The following KCTD20 variants were observed in gnomAD, a reference collection of about 807,000 sequenced individuals.
KCTD20 encodes the protein BTB/POZ domain-containing protein KCTD20.
Under a neutral mutation model 39.6 loss-of-function variants are expected in KCTD20, and 30 were observed. The observed-to-expected ratio is 0.76, with a 90% CI of 0.57 to 1.03. The LOEUF is 1.03. Ranked by LOEUF, KCTD20 falls within the 50% of genes least tolerant of loss-of-function variation. KCTD20 has a pLI of 0.00. For missense variants in KCTD20, 422 were observed against 522.0 expected (o/e 0.81, Z 1.87); for synonymous variants, 162 against 180.6 (o/e 0.90, Z 0.83).
chr6:36,473,130 G>A (rs544989158), intron 2 of KCTD20, among the ~76,000 whole-genome samples: 15 of 151,534 alleles, frequency 9.9e-5, no homozygotes, highest in Middle Eastern at 3.4e-3. Context: ...GCGCGATCTC[G>A]GCTCACTGCA....
At chr6:36,476,428 ATTTTT>A (rs146381569) in intron 3 of KCTD20, among the ~76,000 whole-genome samples, 1 of 137,712 alleles carries the variant, frequency 7.3e-6, no homozygotes, top group Admixed American at 7.3e-5. Context: ...ACAGTGAACC[ATTTTT>A]TTTTTTTTTT....
chr6:36,447,067 A>G (rs1775070481), intron 1 of KCTD20, among the ~76,000 whole-genome samples: 1 of 152,218 alleles, frequency 6.6e-6, no homozygotes, highest in Non-Finnish European at 1.5e-5. Flanking sequence ...AGCCATTAAA[A>G]TATATGCTCA....
chr6:36,470,342 A>T (rs1412314259), intron 2 of KCTD20, 85 bp downstream of exon 2: 1 of 1,258,380 alleles, frequency 7.9e-7, no homozygotes, highest in African/African-American at 1.5e-5. Context: ...AATGTTTTTA[A>T]TCTAAATAAA....
At chr6:36,485,520 A>C (rs1027607344) in intron 7 of KCTD20, among the ~76,000 whole-genome samples, 1 of 112,860 alleles carries the variant, frequency 8.9e-6, no homozygotes, top group Non-Finnish European at 1.7e-5. Flanking sequence ...TTTGAGATGG[A>C]GTCTCACTCT....
chr6:36,467,558 G>C (rs1444811121), intron 1 of KCTD20, among the ~76,000 whole-genome samples: 1 of 150,864 alleles, frequency 6.6e-6, no homozygotes, highest in Non-Finnish European at 1.5e-5. Flanking sequence ...GGATGGTCTC[G>C]ATCTCCTGAC....
intron 3 of KCTD20, 75 bp from the exon 4 acceptor site, chr6:36,479,046 G>C: frequency 1.0e-6 from 1 of 961,018 alleles, no homozygotes; most frequent in Non-Finnish European, 1.7e-6. Context: ...TCCAGAATGA[G>C]GTGGAGAAGG....
chr6:36,475,940 C>T (rs1450823788), intron 3 of KCTD20, among the ~76,000 whole-genome samples: 1 of 152,080 alleles, frequency 6.6e-6, no homozygotes, highest in Non-Finnish European at 1.5e-5. Context: ...AATCTTTAAA[C>T]CTAGTTGTTT....
intron 1 of KCTD20, among the ~76,000 whole-genome samples, chr6:36,448,897 C>A (rs999657093): frequency 6.6e-5 from 10 of 152,140 alleles, no homozygotes; most frequent in Non-Finnish European, 1.3e-4. Context: ...AGGAGTGAAG[C>A]CGCAGACCTT....
rs950939488 is a variant in KCTD20 at position 36,476,704 on chromosome 6, A to G, written c.434+1642A>G. Among the ~76,000 whole-genome samples the G allele has an allele frequency of 4.6e-5, 7 of 152,202 alleles. No homozygotes were observed. In the South Asian group the frequency reaches 6.2e-4, roughly 14 times the overall value. On this transcript the variant is annotated intron_variant, in intron 3 of 7. Transcript: ENST00000373731. The stretch of plus-strand genomic sequence containing the variant: ...TAGCCTCCCAAAGTGCTGGGATTAC[A>G]GGCATGAGCCACTGTGCCTGGCCAC...
chr6:36,456,901 C>T (rs1775454002), intron 1 of KCTD20, among the ~76,000 whole-genome samples: 2 of 152,106 alleles, frequency 1.3e-5, no homozygotes, highest in Admixed American at 6.6e-5. Flanking sequence ...CAATCCTCCT[C>T]TCATGCAAAC....
chr6:36,444,207 ACTGATGATCCAGGGACCGAC>A (rs1774967227), intron 1 of KCTD20, among the ~76,000 whole-genome samples: 21 of 152,146 alleles, frequency 1.4e-4, no homozygotes, highest in Admixed American at 6.5e-5. Context: ...TTGGTCTGTT[ACTGATGATCCAGGGACCGAC>A]CACACGTTGA....
rs769010162 is a variant in KCTD20 at position 36,481,694 on chromosome 6, C to T, written c.791C>T (p.Thr264Met). The change falls in exon 6 of 8, where the codon ACG becomes ATG. Residue 264 changes from threonine (T) to methionine (M), a missense_variant. Transcript: ENST00000373731. ...CGAGAGTGCCACATTGTTGTGCTGA[C>T]GGATGAGGATTCTGTGGACTGGGAT... ...GERECHIVVLTDEDSVDWDED... is the reference protein window; with the variant it reads ...GERECHIVVLMDEDSVDWDED... The T allele has an allele frequency of 7.4e-6, 12 of 1,614,170 alleles. No homozygotes were observed. The highest frequency in any genetic ancestry group is 2.2e-5 in the East Asian group (1 of 44,874).
Position 36,486,997 on chromosome 6 carries a change from A to G in KCTD20, c.1082A>G (p.Lys361Arg). 6.2e-7 allele frequency: 1 copy of G among 1,614,244 alleles called. No individual in the cohort carries two copies. Among genetic ancestry groups the G allele is most frequent in the Non-Finnish European group, 8.5e-7 (1 of 1,180,040 alleles). ...IQMSWEKEEG[K>R]SRHVDFQCVR... Reference sequence around the variant, plus strand: ...ATGTCATGGGAAAAGGAAGAAGGGAAGAGTCGCCATGTGGATTTCCAGTGT... The same window carrying G: ...ATGTCATGGGAAAAGGAAGAAGGGAGGAGTCGCCATGTGGATTTCCAGTGT... The change falls in exon 8 of 8, where the codon AAG (lysine) becomes AGG (arginine). Residue 361 changes from lysine (K) to arginine (R), a missense_variant. Coordinates refer to ENST00000373731, the MANE Select transcript of KCTD20 (RefSeq NM_173562.5).
Position 36,469,379 on chromosome 6 carries a change from G to A in KCTD20, c.-46-673G>A, listed in dbSNP as rs1041083202. ...TGCCTCATCACTGGGGGTCTTGCAC[G>A]TGGCAGTCACATAGTGTGTGTTGTT... is the stretch of plus-strand genomic sequence containing the variant. On this transcript the variant is annotated intron_variant, in intron 1 of 7. Coordinates refer to ENST00000373731, the MANE Select transcript of KCTD20 (RefSeq NM_173562.5). The surrounding 1 kb of genome is among the most constrained non-coding windows in gnomAD (Gnocchi z 4.6). Among the ~76,000 whole-genome samples, 2 of 152,178 alleles carry A rather than the reference G, an allele frequency of 1.3e-5. No homozygotes were observed. Among genetic ancestry groups the A allele is most frequent in the African/African-American group, 4.8e-5 (2 of 41,444 alleles).
chr6:36,466,493 C>T (rs907724556), intron 1 of KCTD20, among the ~76,000 whole-genome samples: 5 of 151,488 alleles, frequency 3.3e-5, no homozygotes, highest in Middle Eastern at 3.4e-3. Context: ...ATCATCCTCC[C>T]GCCTCAGCTT....
chr6:36,481,493 A>T, intron 5 of KCTD20, 69 bp from the exon 6 acceptor site: 1 of 1,145,560 alleles, frequency 8.7e-7, no homozygotes, highest in Non-Finnish European at 1.3e-6. Flanking sequence ...ATTCCCTCAT[A>T]GTCTTTTTCA....
intron 1 of KCTD20, among the ~76,000 whole-genome samples, chr6:36,448,710 C>G (rs1254227965): frequency 6.6e-6 from 1 of 152,196 alleles, no homozygotes; most frequent in African/African-American, 2.4e-5. Context: ...GTCTTTGTGT[C>G]CGGAATTTAT....
chr6:36,449,964 A>C lies in KCTD20; in HGVS notation c.-47+6853A>C, dbSNP rs1010806166. Among the ~76,000 whole-genome samples the C allele has an allele frequency of 5.9e-5, 9 of 152,042 alleles. 1 individual carries two copies. Among genetic ancestry groups the C allele is most frequent in the South Asian group, 4.1e-4 (2 of 4,826 alleles). ...CGGATCACAAGGTCAGGAGATCGAG[A>C]CCATCATGGCTAACATGGTGAAACT... On this transcript the variant is annotated intron_variant, in intron 1 of 7. Coordinates refer to ENST00000373731, the MANE Select transcript of KCTD20 (RefSeq NM_173562.5).
intron 1 of KCTD20, among the ~76,000 whole-genome samples, chr6:36,460,584 C>T (rs1336207454): frequency 2.6e-5 from 4 of 152,250 alleles, no homozygotes; most frequent in Admixed American, 2.6e-4. Flanking sequence ...GGATTACAGG[C>T]GTGAGCCACC....
Sources: gnomAD v4.1 joint callset for allele counts (sites outside exome capture counted in the v4.1 genomes callset) on GRCh38, gnomAD v4.1.1 for gene constraint, Gnocchi (gnomAD v3.1) non-coding constraint, MANE v1.5 for transcripts, NCBI Gene and HGNC (gene_info 2026-07-23, HGNC 2026-07-21) for gene names.